VWA5B1: variants seen among roughly 807,000 people sequenced by gnomAD.
VWA5B1 encodes von Willebrand factor A domain containing 5B1, also known as von Willebrand factor A domain-containing protein 5B1.
In VWA5B1, 115 loss-of-function variants were observed where a neutral mutation model predicts 118.2. That is an observed-to-expected ratio of 0.97 (90% CI 0.84 to 1.14). VWA5B1 has a LOEUF of 1.14. Among genes scored for constraint, VWA5B1 ranks in the 50% most tolerant of loss-of-function variants. VWA5B1 has a pLI of 0.00. For synonymous variants in VWA5B1, 682 were observed against 658.4 expected (o/e 1.04, Z -0.55); for missense variants, 1,596 against 1,603.8 (o/e 1.00, Z 0.08).
At chr1:20,337,611 C>T in intron 13 of VWA5B1, 35 bp from the exon 14 acceptor site, 1 of 1,526,638 alleles carries the variant, frequency 6.6e-7, no homozygotes, top group Non-Finnish European at 8.8e-7. Context: ...CCTGCTGTCC[C>T]ACTCTGATGG....
At chr1:20,298,655 G>A (rs2088450867) in intron 1 of VWA5B1, among the ~76,000 whole-genome samples, 1 of 152,040 alleles carries the variant, frequency 6.6e-6, no homozygotes, top group Non-Finnish European at 1.5e-5. Context: ...GTGAGGTGAA[G>A]TAGCTTGCCT....
chr1:20,291,932 C>T (rs746969350), intron 1 of VWA5B1, among the ~76,000 whole-genome samples: 38 of 152,170 alleles, frequency 2.5e-4, no homozygotes, highest in Non-Finnish European at 4.0e-4. Flanking sequence ...CCCATGCTCC[C>T]GCCGCCGGCA....
At chr1:20,332,509 T>TAAAATAAAA (rs1017389743) in intron 11 of VWA5B1, among the ~76,000 whole-genome samples, 1 of 146,984 alleles carries the variant, frequency 6.8e-6, no homozygotes, top group Non-Finnish European at 1.5e-5. Context: ...TAAAATAAAA[T>TAAAATAAAA]AAAATAAAAT....
intron 4 of VWA5B1, among the ~76,000 whole-genome samples, chr1:20,317,148 T>C (rs2089036373): frequency 1.7e-5 from 2 of 114,768 alleles, no homozygotes; most frequent in Admixed American, 2.2e-4. Context: ...TGAGCAAGAC[T>C]GCATCTCAAA....
chr1:20,294,859 A>G (rs6688131), intron 1 of VWA5B1, among the ~76,000 whole-genome samples: 111,017 of 152,204 alleles, frequency 0.73, 41,085 homozygotes, highest in East Asian at 0.94. Flanking sequence ...AAAATGCTGG[A>G]ATTACAGGCG....
intron 1 of VWA5B1, among the ~76,000 whole-genome samples, chr1:20,292,026 C>T (rs1264441557): frequency 6.6e-6 from 1 of 152,234 alleles, no homozygotes; most frequent in African/African-American, 2.4e-5. Flanking sequence ...GTCACACCAT[C>T]CTGCCTCTCC....
chr1:20,332,242 G>C (rs1019666768), intron 11 of VWA5B1, among the ~76,000 whole-genome samples: 1 of 152,106 alleles, frequency 6.6e-6, no homozygotes, highest in African/African-American at 2.4e-5. Flanking sequence ...TACTTTGGGA[G>C]GCCTAGGAAG....
At chr1:20,352,689 T>C (rs2090153486) in intron 21 of VWA5B1, among the ~76,000 whole-genome samples, 1 of 152,090 alleles carries the variant, frequency 6.6e-6, no homozygotes, top group African/African-American at 2.4e-5. Flanking sequence ...CCCTGCCACA[T>C]CTGGGGCCCC....
chr1:20,299,530 A>G (rs1488437066), intron 1 of VWA5B1, among the ~76,000 whole-genome samples: 1 of 152,098 alleles, frequency 6.6e-6, no homozygotes, highest in Non-Finnish European at 1.5e-5. Flanking sequence ...TAGCCTCCCA[A>G]GTAGCTGGGA....
intron 1 of VWA5B1, among the ~76,000 whole-genome samples, chr1:20,306,559 G>C (rs899053730): frequency 6.6e-6 from 1 of 152,190 alleles, no homozygotes; most frequent in Non-Finnish European, 1.5e-5. Context: ...ACGCCTGCCT[G>C]TTCCCACTGC....
chr1:20,330,836 G>A (rs560065186), intron 10 of VWA5B1, 33 bp from the exon 11 acceptor site: 2 of 1,534,952 alleles, frequency 1.3e-6, no homozygotes, highest in East Asian at 2.4e-5. Flanking sequence ...GAGAGGATAA[G>A]ACATAGCAGC....
chr1:20,305,946 C>T (rs1453824390), intron 1 of VWA5B1, among the ~76,000 whole-genome samples: 1 of 152,056 alleles, frequency 6.6e-6, no homozygotes, highest in African/African-American at 2.4e-5. Flanking sequence ...CATATGGATC[C>T]ATGCATTCAT....
At chr1:20,327,673 G>A (rs1377570286) in intron 8 of VWA5B1, among the ~76,000 whole-genome samples, 1 of 150,266 alleles carries the variant, frequency 6.7e-6, no homozygotes, top group Non-Finnish European at 1.5e-5. Flanking sequence ...GATGGTGGTG[G>A]TGGTGGTGGT....
intron 1 of VWA5B1, among the ~76,000 whole-genome samples, chr1:20,309,538 C>A (rs1186179226): frequency 6.6e-6 from 1 of 152,188 alleles, no homozygotes; most frequent in East Asian, 1.9e-4. Context: ...CTGCTGGGAC[C>A]CGCAGGGTGT....
intron 3 of VWA5B1, among the ~76,000 whole-genome samples, chr1:20,314,019 C>A (rs72647041): frequency 6.6e-6 from 1 of 152,044 alleles, no homozygotes; most frequent in South Asian, 2.1e-4. Context: ...GAGGACGCTT[C>A]GATTTGGTTC....
In VWA5B1 at chr1:20,328,017, G is replaced by C. The variant is rs201876766; in HGVS notation, c.1254+17G>C. On this transcript the variant is annotated intron_variant, in intron 9 of 21. Coordinates refer to ENST00000289815, the MANE Select transcript of VWA5B1 (RefSeq NM_001039500.3). ...TACAGTGAGGTAATGAGGGGGCAAG[G>C]CTGGGACCAGGAGGGTGGTGCATGG... 1.2e-3 allele frequency: 1,907 copies of C among 1,548,772 alleles called. 20 individuals carry two copies. Among genetic ancestry groups the C allele is most frequent in the Middle Eastern group, 8.4e-3 (50 of 5,922 alleles).
At chr1:20,316,633 C>A (rs1256406839) in intron 4 of VWA5B1, among the ~76,000 whole-genome samples, 1 of 152,078 alleles carries the variant, frequency 6.6e-6, no homozygotes, top group Non-Finnish European at 1.5e-5. Context: ...GTGGAGATTG[C>A]AAAGAAAGAG....
chr1:20,342,456 C>G lies in VWA5B1; in HGVS notation c.2158C>G (p.Leu720Val). Residue 720 changes from leucine (L) to valine (V), a missense_variant, in exon 15 of 22, where the codon CTG becomes GTG. Coordinates refer to ENST00000289815, the MANE Select transcript of VWA5B1 (RefSeq NM_001039500.3). The part of the protein sequence containing the change: ...LQPLLNSGQD[L>V]NQGPKLRGPG... Reference sequence around the variant, plus strand: ...GCCCTTGCTGAACAGTGGTCAGGACCTGAACCAGGGCCCCAAACTCCGTGG... The same window carrying G: ...GCCCTTGCTGAACAGTGGTCAGGACGTGAACCAGGGCCCCAAACTCCGTGG... 1 of 1,551,308 alleles carries G rather than the reference C, an allele frequency of 6.4e-7. No homozygotes were observed. Among genetic ancestry groups the G allele is most frequent in the Non-Finnish European group, 8.7e-7 (1 of 1,146,960 alleles).
At chr1:20,331,319 G>T in intron 11 of VWA5B1, among the ~76,000 whole-genome samples, 1 of 152,218 alleles carries the variant, frequency 6.6e-6, no homozygotes, top group East Asian at 1.9e-4. Context: ...ATGACAAATG[G>T]TGGCTCAGAA....
Sources: gnomAD v4.1 joint callset for allele counts (sites outside exome capture counted in the v4.1 genomes callset) on GRCh38, gnomAD v4.1.1 for gene constraint, MANE v1.5 for transcripts, NCBI Gene and HGNC (gene_info 2026-07-23, HGNC 2026-07-21) for gene names.